Variants in CDK6 observed in about 807,000 individuals in gnomAD.
CDK6 encodes the protein cyclin-dependent kinase 6.
A neutral mutation model predicts 37.1 loss-of-function variants in CDK6; 6 were observed. The observed-to-expected ratio is 0.16, with a 90% CI of 0.09 to 0.32. The LOEUF (loss-of-function observed/expected upper bound fraction) is 0.32. Among genes scored for constraint, CDK6 ranks in the 10% least tolerant of loss-of-function variants. CDK6 has a pLI of 1.00. For missense variants in CDK6, 224 were observed against 418.9 expected (o/e 0.53, Z 4.06); for synonymous variants, 160 against 161.3 (o/e 0.99, Z 0.06).
At chr7:92,803,583 T>G (rs946931390) in intron 2 of CDK6, among the ~76,000 whole-genome samples, 2 of 152,110 alleles carry the variant, frequency 1.3e-5, no homozygotes, top group African/African-American at 4.8e-5. Flanking sequence ...GTGTGGGACA[T>G]GAACATGTAA....
At chr7:92,621,000 G>T (rs1451397692) in intron 6 of CDK6, among the ~76,000 whole-genome samples, 1 of 152,198 alleles carries the variant, frequency 6.6e-6, no homozygotes, top group Non-Finnish European at 1.5e-5. Context: ...GCCCAAATAT[G>T]TGTTGTGAAA....
chr7:92,630,945 C>T (rs1302430638), intron 5 of CDK6, among the ~76,000 whole-genome samples: 1 of 152,158 alleles, frequency 6.6e-6, no homozygotes, highest in African/African-American at 2.4e-5. Context: ...TGATTATTAA[C>T]TGGGCTCAGG....
chr7:92,624,757 A>G (rs1795886509), intron 5 of CDK6, among the ~76,000 whole-genome samples: 1 of 152,142 alleles, frequency 6.6e-6, no homozygotes, highest in Non-Finnish European at 1.5e-5. Flanking sequence ...CTTAACAATT[A>G]TAATTTATTG....
At chr7:92,809,635 T>A (rs2115934303) in intron 2 of CDK6, among the ~76,000 whole-genome samples, 1 of 152,324 alleles carries the variant, frequency 6.6e-6, no homozygotes. Flanking sequence ...AAGGGTATAT[T>A]TATTTATAGT....
intron 3 of CDK6, among the ~76,000 whole-genome samples, chr7:92,734,016 T>G (rs1480456178): frequency 6.6e-6 from 1 of 152,212 alleles, no homozygotes; most frequent in Admixed American, 6.5e-5. Flanking sequence ...TATTCTTATA[T>G]GTTATGATTA....
chr7:92,740,314 T>C (rs901319128), intron 3 of CDK6, among the ~76,000 whole-genome samples: 1 of 152,188 alleles, frequency 6.6e-6, no homozygotes, highest in African/African-American at 2.4e-5. Context: ...TCCCCCGATA[T>C]ACACACATCT....
At chr7:92,699,869 A>G (rs1339165197) in intron 4 of CDK6, among the ~76,000 whole-genome samples, 2 of 152,212 alleles carry the variant, frequency 1.3e-5, no homozygotes, top group African/African-American at 2.4e-5. Context: ...GAGCTACATC[A>G]CCTTGGCTAA....
At chr7:92,627,558 C>A (rs1795955052) in intron 5 of CDK6, among the ~76,000 whole-genome samples, 1 of 152,026 alleles carries the variant, frequency 6.6e-6, no homozygotes, top group Admixed American at 6.6e-5. Flanking sequence ...CTTGGACTTC[C>A]CAGCCTCCAG....
chr7:92,772,165 T>G (rs1431360907), intron 3 of CDK6, among the ~76,000 whole-genome samples: 3 of 152,174 alleles, frequency 2.0e-5, no homozygotes, highest in Admixed American at 2.0e-4. Context: ...AAACCTTATA[T>G]TTAATAAGGA....
At chr7:92,723,148 C>T (rs947145191) in intron 4 of CDK6, among the ~76,000 whole-genome samples, 7 of 152,118 alleles carry the variant, frequency 4.6e-5, no homozygotes, top group Non-Finnish European at 2.9e-5. Flanking sequence ...TGCCCTCCAG[C>T]CTGGGCAACA....
chr7:92,722,202 T>C (rs1034111832), intron 4 of CDK6, among the ~76,000 whole-genome samples: 9 of 152,156 alleles, frequency 5.9e-5, no homozygotes, highest in African/African-American at 1.9e-4. Flanking sequence ...GTAAAAGTTG[T>C]CTAGTAATTC....
rs554932780 is a variant in CDK6 at position 92,629,424 on chromosome 7, A to AG, written c.648-6339dup. On this transcript the variant is annotated intron_variant, in intron 5 of 7. Coordinates refer to ENST00000424848, the MANE Select transcript of CDK6 (RefSeq NM_001145306.2). ...GAAAGAGATGGAGAGAAAGAAAGAGAGGGAGAGCAGAGGGACAAACCCTAC... is the reference window on the plus strand; with the variant it reads ...GAAAGAGATGGAGAGAAAGAAAGAGAGGGGAGAGCAGAGGGACAAACCCTAC... Among the ~76,000 whole-genome samples, 715 of 150,318 alleles carry AG rather than the reference A, an allele frequency of 4.8e-3. 2 individuals are homozygous for AG. The highest frequency in any genetic ancestry group is 0.01 in the Middle Eastern group (3 of 290).
intron 3 of CDK6, among the ~76,000 whole-genome samples, chr7:92,751,404 T>C (rs1799184918): frequency 6.6e-6 from 1 of 152,188 alleles, no homozygotes; most frequent in South Asian, 2.1e-4. Flanking sequence ...TGTGTAAAAG[T>C]TGTACATCAT....
chr7:92,606,999 T>A lies in CDK6; in HGVS notation c.*8141A>T. ...TTGGTTGTTAAAATCCCTTTTATTT[T>A]ATAATAAATTATACAGGCAATCCTT... is the stretch of plus-strand genomic sequence containing the variant. On this transcript the variant is annotated 3_prime_UTR_variant, in exon 8 of 8. Transcript: ENST00000424848. 4.3e-6 allele frequency: 1 copy of A among 233,236 alleles called. No individual in the cohort carries two copies. Among genetic ancestry groups the A allele is most frequent in the Non-Finnish European group, 8.5e-6 (1 of 117,974 alleles). 14.4% of individuals were successfully genotyped at this position (233,236 alleles called of 1,614,324 possible).
At chr7:92,667,832 G>A (rs1468979706) in intron 5 of CDK6, among the ~76,000 whole-genome samples, 8 of 152,170 alleles carry the variant, frequency 5.3e-5, no homozygotes, top group Non-Finnish European at 1.0e-4. Flanking sequence ...CATTACAGGC[G>A]TGAGCCACTG....
chr7:92,795,602 T>A (rs1409445228), intron 2 of CDK6, among the ~76,000 whole-genome samples: 1 of 152,066 alleles, frequency 6.6e-6, no homozygotes, highest in Non-Finnish European at 1.5e-5. Flanking sequence ...AGATAAGCCC[T>A]GTCCCAGTAT....
intron 4 of CDK6, among the ~76,000 whole-genome samples, chr7:92,709,029 T>C (rs969832126): frequency 1.3e-5 from 2 of 152,134 alleles, no homozygotes; most frequent in Non-Finnish European, 1.5e-5. Context: ...TAAAGTAAAT[T>C]TCATATCAGA....
chr7:92,773,012 T>C (rs901023591), intron 3 of CDK6, among the ~76,000 whole-genome samples: 11 of 152,196 alleles, frequency 7.2e-5, no homozygotes, highest in African/African-American at 2.7e-4. Context: ...ATGTCAATGA[T>C]TTTTTGATAG....
intron 5 of CDK6, among the ~76,000 whole-genome samples, chr7:92,646,153 G>C (rs1464820115): frequency 6.6e-6 from 1 of 152,130 alleles, no homozygotes; most frequent in Admixed American, 6.5e-5. Flanking sequence ...TATTATTCTA[G>C]TTCAGGGTAA....
Sources: allele counts gnomAD v4.1 joint callset (sites outside exome capture counted in the v4.1 genomes callset), GRCh38; gene constraint gnomAD v4.1.1; transcripts MANE v1.5; gene names NCBI Gene and HGNC (gene_info 2026-07-23, HGNC 2026-07-21).